Variants in SPTB observed in about 807,000 individuals in gnomAD.
SPTB encodes spectrin beta, erythrocytic.
In SPTB, 45 loss-of-function variants were observed where a neutral mutation model predicts 256.2. The ratio of observed to expected loss-of-function variants is 0.18; its 90% CI spans 0.14 to 0.23. The LOEUF (loss-of-function observed/expected upper bound fraction) is 0.23. Ranked by LOEUF, SPTB falls within the 10% of genes least tolerant of loss-of-function variation. The probability of loss-of-function intolerance (pLI) is 1.00; values close to 1 mark genes in which losing one functional copy is unlikely to be tolerated. For missense variants in SPTB, 2,715 were observed against 3,040.4 expected (o/e 0.89, Z 2.52); for synonymous variants, 1,231 against 1,243.1 (o/e 0.99, Z 0.21).
At chr14:64,813,379 T>C (rs545130252) in intron 2 of SPTB, among the ~76,000 whole-genome samples, 3 of 152,198 alleles carry the variant, frequency 2.0e-5, no homozygotes, top group African/African-American at 4.8e-5. Flanking sequence ...GGGAGGCCCA[T>C]GGACCATGAG....
Position 64,750,088 on chromosome 14 carries a change from G to T in SPTB, c.6669C>A (p.Asn2223Lys). Residue 2223 changes from asparagine (N) to lysine (K), a missense_variant, in exon 34 of 36, where the codon AAC becomes AAA. By Grantham distance (94) the Asn-to-Lys change is moderately conservative. This residue lies in a region of SPTB where 2,239 missense variants were observed against 2,384.4 expected (regional missense o/e 0.94). Transcript: ENST00000644917. ...CATGGTAGGGCATCCCCAGGGCCAG[G>T]TTCTTGGCATCCTTGTAGAAGGTTA... ...SELTFYKDAK[N>K]LALGMPYHGE... The T allele has an allele frequency of 6.2e-7, 1 of 1,614,210 alleles. No homozygotes were observed. Among genetic ancestry groups the T allele is most frequent in the Non-Finnish European group, 8.5e-7 (1 of 1,180,032 alleles).
rs1038287944 is a variant in SPTB, at chr14:64,784,328, G to A, written c.3921C>T (p.Asn1307=). 6.2e-7 allele frequency: 1 copy of A among 1,614,264 alleles called. No homozygotes were observed. Among genetic ancestry groups the A allele is most frequent in the African/African-American group, 1.3e-5 (1 of 75,070 alleles). ...SQDVSYDEAR[N]LHNKWLKHQA... The stretch of plus-strand genomic sequence containing the variant: ...GGTGCTTTAGCCATTTATTGTGAAG[G>A]TTTCGTGCTTCATCATAGGAGACAT... The change falls in exon 19 of 36, where the codon AAC becomes AAT. Residue 1307 remains asparagine (N), a synonymous_variant. Coordinates refer to ENST00000644917, the MANE Select transcript of SPTB (RefSeq NM_001355436.2).
chr14:64,877,397 C>T (rs1882876613), intron 1 of SPTB, among the ~76,000 whole-genome samples: 1 of 152,160 alleles, frequency 6.6e-6, no homozygotes, highest in South Asian at 2.1e-4. Flanking sequence ...TTTATATTCC[C>T]TGCTGAGTGT....
In SPTB at chr14:64,844,550, AC is replaced by A. The variant is rs1241173248; in HGVS notation, c.-51-21406del. 1.3e-5 allele frequency among the ~76,000 whole-genome samples: 2 copies of A among 152,246 alleles called. No individual in the cohort carries two copies. Among genetic ancestry groups the A allele is most frequent in the Non-Finnish European group, 2.9e-5 (2 of 68,046 alleles). On this transcript the variant is annotated intron_variant, in intron 1 of 35. Coordinates refer to ENST00000644917, the MANE Select transcript of SPTB (RefSeq NM_001355436.2). This position sits in a 1 kb window ranked among gnomAD's most constrained non-coding sequence, Gnocchi z 4.1. ...AGTTAAGCTACTTGCCCAAAGTCAC[AC>A]AACTGTGAGAAGCCTGATGCCGGTC...
At position 64,824,374 on chromosome 14, in the gene SPTB, G is replaced by A. The variant is rs1400858834; in HGVS notation, c.-51-1229C>T. 1.3e-5 allele frequency among the ~76,000 whole-genome samples: 2 copies of A among 152,136 alleles called. No homozygotes were observed. The highest frequency in any genetic ancestry group is 1.3e-4 in the Admixed American group (2 of 15,276). On this transcript the variant is annotated intron_variant, in intron 1 of 35. Coordinates refer to ENST00000644917, the MANE Select transcript of SPTB (RefSeq NM_001355436.2). The surrounding 1 kb of genome is among the most constrained non-coding windows in gnomAD (Gnocchi z 5.7). ...AGCTTTGAGAACTTTAAGAAGTAAC[G>A]GGAAGGCAGGGGTGGAGTCAGGGGA...
chr14:64,752,943 C>G (rs950565806), intron 33 of SPTB, among the ~76,000 whole-genome samples: 6 of 152,116 alleles, frequency 3.9e-5, no homozygotes, highest in African/African-American at 1.2e-4. Flanking sequence ...ATGACTGTTT[C>G]AGGGTCAGGA....
At position 64,772,887 on chromosome 14, in the gene SPTB, T is replaced by C. The variant is rs753089242; in HGVS notation, c.5246A>G (p.Asn1749Ser). The change falls in exon 26 of 36, where the codon AAT (asparagine) becomes AGT (serine). Residue 1749 changes from asparagine (N) to serine (S), a missense_variant. By Grantham distance (46) the Asn-to-Ser change is conservative. This residue lies in a region of SPTB where 2,239 missense variants were observed against 2,384.4 expected (regional missense o/e 0.94). Transcript: ENST00000644917. The surrounding 1 kb of genome is among the most constrained non-coding windows in gnomAD (Gnocchi z 5.4). ...GAGTCGCTCGATGAAGGCATTCACA[T>C]TGTCCACCCGCTCCTGCCCAATCGC... Reference protein sequence around the residue: ...TGAIGQERVDNVNAFIERLID... With the variant: ...TGAIGQERVDSVNAFIERLID... 1.4e-5 allele frequency: 23 copies of C among 1,608,506 alleles called. No homozygotes were observed. The highest frequency in any genetic ancestry group is 1.8e-5 in the Non-Finnish European group (21 of 1,176,014).
rs780179918 is a variant in SPTB at position 64,796,612 on chromosome 14, C to T, written c.1286G>A (p.Arg429Gln). ...KLEQLARRFD[R>Q]KAAMRETWLS... ...CCAGGTCTCTCTCATTGCGGCCTTC[C>T]GGTCAAAGCGCCGGGCCAGTTGCTC... Residue 429 changes from arginine (R) to glutamine (Q), a missense_variant, in exon 11 of 36, where the codon CGG becomes CAG. Transcript: ENST00000644917. This position sits in a 1 kb window ranked among gnomAD's most constrained non-coding sequence, Gnocchi z 4.1. 55 of 1,614,114 alleles carry T rather than the reference C, an allele frequency of 3.4e-5. No individual in the cohort carries two copies. Among genetic ancestry groups the T allele is most frequent in the African/African-American group, 1.1e-4 (8 of 74,944 alleles).
chr14:64,776,288 C>T (rs1268869900), intron 22 of SPTB, among the ~76,000 whole-genome samples: 2 of 152,192 alleles, frequency 1.3e-5, no homozygotes, highest in East Asian at 3.8e-4. Context: ...CTACAAGTCA[C>T]ATAACCTGCT....
chr14:64,843,051 T>G (rs2083632155), intron 1 of SPTB, among the ~76,000 whole-genome samples: 1 of 151,854 alleles, frequency 6.6e-6, no homozygotes, highest in African/African-American at 2.4e-5. Context: ...GGTGACAGAA[T>G]GAGACCCTGT....
At chr14:64,812,153 T>C (rs1046318256) in intron 2 of SPTB, among the ~76,000 whole-genome samples, 1 of 152,258 alleles carries the variant, frequency 6.6e-6, no homozygotes, top group Non-Finnish European at 1.5e-5. Flanking sequence ...TTCACAATGT[T>C]GGCCAGGCTG....
Position 64,796,533 on chromosome 14 carries a change from C to A in SPTB, c.1341+24G>T. On this transcript the variant is annotated intron_variant, in intron 11 of 35. Transcript: ENST00000644917. This position sits in a 1 kb window ranked among gnomAD's most constrained non-coding sequence, Gnocchi z 4.1. ...CTCTGAAGAATGTCCCCTCTCCTGT[C>A]ACCCAAAGCATGTCCCTCATTACCT... The A allele has an allele frequency of 6.2e-7, 1 of 1,614,104 alleles. No individual in the cohort carries two copies. Among genetic ancestry groups the A allele is most frequent in the South Asian group, 1.1e-5 (1 of 91,056 alleles).
At chr14:64,839,234 CT>C (rs764920062) in intron 1 of SPTB, among the ~76,000 whole-genome samples, 12 of 152,196 alleles carry the variant, frequency 7.9e-5, no homozygotes, top group South Asian at 2.1e-4. Context: ...ACAAAACGGA[CT>C]ACTACTCAGT....
At chr14:64,832,370 C>T (rs762505169) in intron 1 of SPTB, among the ~76,000 whole-genome samples, 5 of 152,228 alleles carry the variant, frequency 3.3e-5, no homozygotes, top group African/African-American at 4.8e-5. Flanking sequence ...AAGACACGCT[C>T]CTTGTTCCCT....
At chr14:64,774,003 C>T in intron 24 of SPTB, among the ~76,000 whole-genome samples, 1 of 152,218 alleles carries the variant, frequency 6.6e-6, no homozygotes, top group Non-Finnish European at 1.5e-5. Context: ...AGGTTTCCAC[C>T]TGCACTCCTA....
At chr14:64,819,542 A>T (rs74838702) in intron 2 of SPTB, among the ~76,000 whole-genome samples, 1 of 126,748 alleles carries the variant, frequency 7.9e-6, no homozygotes, top group East Asian at 2.3e-4. Context: ...AGTCTTATGG[A>T]GAGAGAGAGA....
Position 64,853,678 on chromosome 14 carries a change from G to A in SPTB, c.-52+26114C>T, listed in dbSNP as rs2083821772. 6.6e-6 allele frequency among the ~76,000 whole-genome samples: 1 copy of A among 152,200 alleles called. No individual in the cohort carries two copies. Among genetic ancestry groups the A allele is most frequent in the Admixed American group, 6.5e-5 (1 of 15,288 alleles). On this transcript the variant is annotated intron_variant, in intron 1 of 35. Transcript: ENST00000644917. This position sits in a 1 kb window ranked among gnomAD's most constrained non-coding sequence, Gnocchi z 4.3. ...GACAGGCATGCAGGGCCAAGGGACAGTTGTATTCAATGGGAAAGACCTGAA... is the reference window on the plus strand; with the variant it reads ...GACAGGCATGCAGGGCCAAGGGACAATTGTATTCAATGGGAAAGACCTGAA...
intron 32 of SPTB, among the ~76,000 whole-genome samples, chr14:64,765,815 TGTGTGA>T (rs2082162418): frequency 7.2e-6 from 1 of 139,590 alleles, no homozygotes; most frequent in South Asian, 2.3e-4. Context: ...GGTGTGTGTG[TGTGTGA>T]GTGTGTGTGT....
intron 32 of SPTB, 45 bp from the exon 33 acceptor site, chr14:64,753,838 C>T (rs775369407): frequency 1.4e-5 from 23 of 1,606,096 alleles, no homozygotes; most frequent in Non-Finnish European, 1.9e-5. Context: ...GGTACTCTGG[C>T]TTAGAGATGG....
Sources: allele counts gnomAD v4.1 joint callset (sites outside exome capture counted in the v4.1 genomes callset), GRCh38; gene constraint gnomAD v4.1.1; regional missense constraint gnomAD v4.1.1; non-coding constraint Gnocchi (gnomAD v3.1); transcripts MANE v1.5; gene names NCBI Gene and HGNC (gene_info 2026-07-23, HGNC 2026-07-21).